Variants in PTPRK observed in about 807,000 individuals in gnomAD.
The protein encoded by PTPRK is protein tyrosine phosphatase receptor type K.
Under a neutral mutation model 178.0 loss-of-function variants are expected in PTPRK, and 75 were observed. The ratio of observed to expected loss-of-function variants is 0.42; its 90% CI spans 0.35 to 0.51. The LOEUF (loss-of-function observed/expected upper bound fraction) is 0.51. Ranked by LOEUF, PTPRK falls within the 20% of genes least tolerant of loss-of-function variation. The pLI is 0.02. For missense variants in PTPRK, 1,441 were observed against 1,797.8 expected, an observed-to-expected ratio of 0.80 and a Z score of 3.59; for synonymous variants, 637 against 620.6, an observed-to-expected ratio of 1.03 and a Z score of -0.39.
intron 3 of PTPRK, among the ~76,000 whole-genome samples, chr6:128,246,981 A>C (rs1263263175): frequency 2.0e-5 from 3 of 152,196 alleles, no homozygotes; most frequent in Non-Finnish European, 2.9e-5. Context: ...TTCCTCTAGC[A>C]AACTGAATGA....
At chr6:128,100,194 C>T (rs1788560414) in intron 7 of PTPRK, among the ~76,000 whole-genome samples, 1 of 151,926 alleles carries the variant, frequency 6.6e-6, no homozygotes, top group Non-Finnish European at 1.5e-5. Flanking sequence ...GGATTAATTG[C>T]TTCAGCTCAT....
intron 1 of PTPRK, among the ~76,000 whole-genome samples, chr6:128,439,373 AT>A (rs889025747): frequency 1.3e-5 from 2 of 152,244 alleles, no homozygotes; most frequent in South Asian, 2.1e-4. Context: ...TGGCCAATAT[AT>A]TTTTTAATAA....
chr6:128,101,894 G>T (rs941727398), intron 7 of PTPRK, among the ~76,000 whole-genome samples: 1 of 152,196 alleles, frequency 6.6e-6, no homozygotes, highest in Non-Finnish European at 1.5e-5. Context: ...TCAATGTAGA[G>T]TTGGAATATA....
In PTPRK at chr6:128,009,164, G is replaced by T. The variant is rs752995547; in HGVS notation, c.2299C>A (p.Leu767Ile). 3 of 1,608,860 alleles carry T rather than the reference G, an allele frequency of 1.9e-6. No individual in the cohort carries two copies. The East Asian group carries it at 6.7e-5, about 36-fold the overall frequency. Residue 767 changes from leucine (L) to isoleucine (I), a missense_variant, in exon 14 of 30, where the codon CTT becomes ATT. By Grantham distance (5) the Leu-to-Ile change is conservative. This residue lies in a region of PTPRK where 945 missense variants were observed against 1,080.6 expected (regional missense o/e 0.87). Transcript: ENST00000368226. ...ISAGILVFIL[L>I]LLVVILIVKK... ...ACAATTAATATGACAACTAGGAGAA[G>T]GAGGATGAACACCAAAATTCCAGCA...
chr6:128,394,788 A>G (rs1840065533), intron 2 of PTPRK, among the ~76,000 whole-genome samples: 1 of 152,158 alleles, frequency 6.6e-6, no homozygotes, highest in Admixed American at 6.5e-5. Flanking sequence ...ATGAATAGAA[A>G]CAATTTTTTT....
Position 128,115,653 on chromosome 6 carries a change from C to T in PTPRK, c.1163-25661G>A, listed in dbSNP as rs1451684794. 5.9e-5 allele frequency among the ~76,000 whole-genome samples: 9 copies of T among 152,026 alleles called. No individual in the cohort carries two copies. In the East Asian group the frequency reaches 1.5e-3, roughly 26 times the overall value. On this transcript the variant is annotated intron_variant, in intron 7 of 29. Coordinates refer to ENST00000368226, the MANE Select transcript of PTPRK (RefSeq NM_002844.4). ...GGAATGCTAATCCCTATATTACAAG[C>T]TTTCAAGGTTTAAATGACTTAGAAT...
At position 127,973,822 on chromosome 6, in the gene PTPRK, C is replaced by T; in HGVS notation, c.3975G>A (p.Gln1325=). 3.1e-6 allele frequency: 5 copies of T among 1,612,476 alleles called. No individual in the cohort carries two copies. Among genetic ancestry groups the T allele is most frequent in the Non-Finnish European group, 2.5e-6 (3 of 1,178,732 alleles). The stretch of plus-strand genomic sequence containing the variant: ...ACTGTTGCACCATCAGATAACCTTC[C>T]TGTGGCTGTAGAGGGAAGTGTTTTT... The part of the protein sequence containing the change: ...IFRICNLTRP[Q]EGYLMVQQFQ... The change falls in exon 28 of 30, where the codon CAG becomes CAA. Residue 1325 remains glutamine, a synonymous_variant. Coordinates refer to ENST00000368226, the MANE Select transcript of PTPRK (RefSeq NM_002844.4).
chr6:128,125,122 T>C (rs1388319110), intron 7 of PTPRK, among the ~76,000 whole-genome samples: 1 of 152,220 alleles, frequency 6.6e-6, no homozygotes, highest in Non-Finnish European at 1.5e-5. Context: ...AACTCATACA[T>C]TGTCTCTATA....
intron 2 of PTPRK, among the ~76,000 whole-genome samples, chr6:128,336,201 T>TG (rs1356953599): frequency 3.3e-5 from 5 of 151,590 alleles, no homozygotes; most frequent in African/African-American, 7.3e-5. Context: ...GTTTTTTTTT[T>TG]TGTTTTTTTT....
chr6:128,513,650 T>G lies in PTPRK; in HGVS notation c.100+6609A>C, dbSNP rs547790037. 3.3e-5 allele frequency among the ~76,000 whole-genome samples: 5 copies of G among 152,360 alleles called. No individual in the cohort carries two copies. The South Asian group carries it at 1.0e-3, about 32-fold the overall frequency. On this transcript the variant is annotated intron_variant, in intron 1 of 29. Transcript: ENST00000368226. ...GTGACAATCTTTTTAAACTGAGCTT[T>G]CTTTGTCCTAGAGCAGTGTTTCCCA...
At chr6:128,074,182 A>G (rs1007296555) in intron 11 of PTPRK, among the ~76,000 whole-genome samples, 1 of 152,052 alleles carries the variant, frequency 6.6e-6, no homozygotes, top group African/African-American at 2.4e-5. Flanking sequence ...TATGAAATGC[A>G]AATTAGATGT....
chr6:128,039,997 TA>T (rs1213409144), intron 13 of PTPRK, among the ~76,000 whole-genome samples: 2 of 152,116 alleles, frequency 1.3e-5, no homozygotes, highest in African/African-American at 2.4e-5. Context: ...ATTCTAAATT[TA>T]AAAAAAGCAA....
intron 3 of PTPRK, among the ~76,000 whole-genome samples, chr6:128,279,867 C>A (rs1244499438): frequency 6.6e-6 from 1 of 152,078 alleles, no homozygotes. Context: ...AAGCCATTTC[C>A]CATCTCAATG....
intron 3 of PTPRK, among the ~76,000 whole-genome samples, chr6:128,257,556 A>G (rs537947279): frequency 6.6e-6 from 1 of 152,318 alleles, no homozygotes; most frequent in South Asian, 2.1e-4. Flanking sequence ...GGAAAGATTT[A>G]GATTTTAGTG....
rs142137675 is a variant in PTPRK, at chr6:128,103,648, T to A, written c.1163-13656A>T. Among the ~76,000 whole-genome samples, 68 of 152,284 alleles carry A rather than the reference T, an allele frequency of 4.5e-4. 1 individual carries two copies. Among genetic ancestry groups the A allele is most frequent in the African/African-American group, 1.6e-3 (66 of 41,566 alleles). On this transcript the variant is annotated intron_variant, in intron 7 of 29. Coordinates refer to ENST00000368226, the MANE Select transcript of PTPRK (RefSeq NM_002844.4). ...TCCCACTTCAATCTGACACATCACA[T>A]CCTTTTCATCAGACAATTCTTTTTT...
chr6:128,136,580 T>C (rs1465772551), intron 7 of PTPRK, among the ~76,000 whole-genome samples: 1 of 152,216 alleles, frequency 6.6e-6, no homozygotes, highest in Non-Finnish European at 1.5e-5. Flanking sequence ...TGTGAAGACT[T>C]ACTTAATCTG....
intron 7 of PTPRK, among the ~76,000 whole-genome samples, chr6:128,180,824 C>T (rs1204468159): frequency 1.3e-5 from 2 of 151,948 alleles, no homozygotes; most frequent in Admixed American, 6.6e-5. Flanking sequence ...TACATCTCTT[C>T]CAGACTTTAC....
chr6:128,434,641 A>T (rs992167263), intron 1 of PTPRK, among the ~76,000 whole-genome samples: 2 of 152,084 alleles, frequency 1.3e-5, no homozygotes, highest in African/African-American at 2.4e-5. Flanking sequence ...ATAATTAGTT[A>T]AAAAAAACTA....
At chr6:128,208,543 G>A (rs940412916) in intron 6 of PTPRK, among the ~76,000 whole-genome samples, 19 of 152,034 alleles carry the variant, frequency 1.2e-4, no homozygotes, top group African/African-American at 4.6e-4. Flanking sequence ...CTTTCCACAT[G>A]ATATATCTTA....
Sources: allele counts gnomAD v4.1 joint callset (sites outside exome capture counted in the v4.1 genomes callset), GRCh38; gene constraint gnomAD v4.1.1; regional missense constraint gnomAD v4.1.1; transcripts MANE v1.5; gene names NCBI Gene and HGNC (gene_info 2026-07-23, HGNC 2026-07-21).